SPAG16: variants seen among roughly 807,000 people sequenced by gnomAD.
The protein encoded by SPAG16 is sperm associated antigen 16.
A neutral mutation model predicts 80.4 loss-of-function variants in SPAG16; 86 were observed. That is an observed-to-expected ratio of 1.07 (90% confidence interval 0.90 to 1.28). SPAG16 has a LOEUF of 1.28. SPAG16 is among the 50% of genes most tolerant of loss of function. The probability of loss-of-function intolerance (pLI) is 0.00; values close to 1 mark genes in which losing one functional copy is unlikely to be tolerated. For synonymous variants in SPAG16, 294 were observed against 265.9 expected (o/e 1.11, Z -1.03); for missense variants, 870 against 765.3 (o/e 1.14, Z -1.61).
chr2:213,725,022 A>G (rs1430441849), intron 10 of SPAG16, among the ~76,000 whole-genome samples: 1 of 151,830 alleles, frequency 6.6e-6, no homozygotes, highest in African/African-American at 2.4e-5. Context: ...AAAACCAAAT[A>G]AGACTCTGCT....
chr2:213,827,533 T>C (rs1471629838), intron 10 of SPAG16, among the ~76,000 whole-genome samples: 1 of 151,900 alleles, frequency 6.6e-6, no homozygotes, highest in East Asian at 1.9e-4. Flanking sequence ...TCTGTTTTTC[T>C]ACTTAACATA....
At chr2:213,745,978 G>T (rs1242236625) in intron 10 of SPAG16, among the ~76,000 whole-genome samples, 1 of 152,168 alleles carries the variant, frequency 6.6e-6, no homozygotes, top group Non-Finnish European at 1.5e-5. Context: ...GCTTCATGCT[G>T]TTATGCTAAG....
At chr2:214,390,476 C>T (rs1393228733) in intron 15 of SPAG16, among the ~76,000 whole-genome samples, 1 of 152,156 alleles carries the variant, frequency 6.6e-6, no homozygotes, top group Admixed American at 6.5e-5. Flanking sequence ...TCTTCTACAC[C>T]ACTCAGCTCC....
intron 11 of SPAG16, among the ~76,000 whole-genome samples, chr2:213,870,725 T>A (rs555582610): frequency 1.3e-5 from 2 of 152,296 alleles, no homozygotes; most frequent in South Asian, 4.1e-4. Flanking sequence ...TGGTTGTTGT[T>A]GTTTGGCAGA....
chr2:213,559,149 G>A (rs754560893), intron 10 of SPAG16, among the ~76,000 whole-genome samples: 25 of 152,040 alleles, frequency 1.6e-4, no homozygotes, highest in Non-Finnish European at 2.2e-4. Context: ...GCAATAAGAA[G>A]ACAATTATGA....
At chr2:213,370,394 T>G (rs964779107) in intron 8 of SPAG16, among the ~76,000 whole-genome samples, 3 of 152,194 alleles carry the variant, frequency 2.0e-5, no homozygotes, top group African/African-American at 7.2e-5. Flanking sequence ...ATGTGACTAC[T>G]TCCTACCCTT....
chr2:213,890,493 A>T (rs1229843494), intron 11 of SPAG16, among the ~76,000 whole-genome samples: 1 of 152,098 alleles, frequency 6.6e-6, no homozygotes, highest in Non-Finnish European at 1.5e-5. Flanking sequence ...AAAGTAGGTA[A>T]TGGGAAAAAA....
At chr2:213,715,254 A>T (rs530508366) in intron 10 of SPAG16, among the ~76,000 whole-genome samples, 1 of 150,686 alleles carries the variant, frequency 6.6e-6, no homozygotes, top group South Asian at 2.1e-4. Context: ...CTATCTATCT[A>T]TCTATCTATC....
In SPAG16 at chr2:213,999,899, T is replaced by C. The variant is rs559169397; in HGVS notation, c.1401-14052T>C. 7.2e-5 allele frequency among the ~76,000 whole-genome samples: 11 copies of C among 152,346 alleles called. No homozygotes were observed. In the South Asian group the frequency reaches 2.3e-3, roughly 32 times the overall value. ...TTTGTTTGTGCCAATTTCTCCCATTTGGAAGGGCTGTATTTACCCAATACC... is the reference window on the plus strand; with the variant it reads ...TTTGTTTGTGCCAATTTCTCCCATTCGGAAGGGCTGTATTTACCCAATACC... On this transcript the variant is annotated intron_variant, in intron 12 of 15. Coordinates refer to ENST00000331683, the MANE Select transcript of SPAG16 (RefSeq NM_024532.5).
At chr2:213,461,410 A>G (rs1401546366) in intron 9 of SPAG16, among the ~76,000 whole-genome samples, 1 of 152,194 alleles carries the variant, frequency 6.6e-6, no homozygotes, top group Non-Finnish European at 1.5e-5. Flanking sequence ...TGGATAGCGG[A>G]GTGCCATTCG....
At chr2:214,112,091 G>A (rs2053693030) in intron 14 of SPAG16, among the ~76,000 whole-genome samples, 1 of 152,054 alleles carries the variant, frequency 6.6e-6, no homozygotes, top group South Asian at 2.1e-4. Context: ...TCAGGAGCAG[G>A]TTGTTCAGTT....
intron 10 of SPAG16, among the ~76,000 whole-genome samples, chr2:213,739,224 T>C (rs1337937064): frequency 1.3e-5 from 2 of 152,196 alleles, no homozygotes. Flanking sequence ...GATAATGTGG[T>C]TTGGTTAATT....
At chr2:213,924,607 C>A (rs945631356) in intron 11 of SPAG16, among the ~76,000 whole-genome samples, 4 of 152,138 alleles carry the variant, frequency 2.6e-5, no homozygotes, top group African/African-American at 9.7e-5. Context: ...TCTTTATTTT[C>A]ATTTCCTTTG....
intron 10 of SPAG16, among the ~76,000 whole-genome samples, chr2:213,857,391 CA>C (rs796728158): frequency 1.1e-4 from 16 of 152,164 alleles, no homozygotes; most frequent in African/African-American, 3.6e-4. Flanking sequence ...AAGTTGAAGC[CA>C]ATGCTCATTG....
intron 10 of SPAG16, among the ~76,000 whole-genome samples, chr2:213,860,631 T>C (rs188676846): frequency 1.3e-5 from 2 of 151,872 alleles, no homozygotes; most frequent in East Asian, 3.9e-4. Flanking sequence ...GGCCACATAG[T>C]GGAGGGGATG....
intron 10 of SPAG16, among the ~76,000 whole-genome samples, chr2:213,565,999 A>G (rs544298089): frequency 6.6e-6 from 1 of 152,338 alleles, no homozygotes; most frequent in African/African-American, 2.4e-5. Flanking sequence ...AGGATTCATT[A>G]GCCCAGGAGA....
chr2:213,429,537 G>T (rs2070157940), intron 9 of SPAG16, among the ~76,000 whole-genome samples: 1 of 152,092 alleles, frequency 6.6e-6, no homozygotes, highest in African/African-American at 2.4e-5. Context: ...CTGAAGTTCG[G>T]CCTACACAAT....
intron 12 of SPAG16, among the ~76,000 whole-genome samples, chr2:213,984,476 A>G (rs2045913837): frequency 6.6e-6 from 1 of 151,904 alleles, no homozygotes; most frequent in Non-Finnish European, 1.5e-5. Flanking sequence ...ACATTTTCTC[A>G]CTTCCTCTAC....
At chr2:213,291,719 A>G (rs1375707250) in intron 1 of SPAG16, among the ~76,000 whole-genome samples, 1 of 152,228 alleles carries the variant, frequency 6.6e-6, no homozygotes, top group Non-Finnish European at 1.5e-5. Flanking sequence ...GTGTCACTGT[A>G]GAAACAGTAC....
Sources: gnomAD v4.1 joint callset for allele counts (sites outside exome capture counted in the v4.1 genomes callset) on GRCh38, gnomAD v4.1.1 for gene constraint, MANE v1.5 for transcripts, NCBI Gene and HGNC (gene_info 2026-07-23, HGNC 2026-07-21) for gene names.